The following CACNA2D3 variants were observed in gnomAD, a reference collection of about 807,000 sequenced individuals.
CACNA2D3 encodes calcium voltage-gated channel auxiliary subunit alpha2delta 3, also known as voltage-dependent calcium channel subunit alpha-2/delta-3.
CACNA2D3 carries 60 observed loss-of-function variants against 160.6 expected under a neutral mutation model. That is an observed-to-expected ratio of 0.37 (90% CI 0.30 to 0.46). CACNA2D3 has a LOEUF of 0.46. Among genes scored for constraint, CACNA2D3 ranks in the 20% least tolerant of loss-of-function variants. The pLI is 1.00. For missense variants in CACNA2D3, 1,205 were observed against 1,365.0 expected (o/e 0.88, Z 1.85); for synonymous variants, 558 against 492.9 (o/e 1.13, Z -1.75).
chr3:54,924,516 C>G, intron 27 of CACNA2D3: 1 of 953,178 alleles, frequency 1.0e-6, no homozygotes. Context: ...CCCAAATCCA[C>G]CCCTTACACA....
chr3:54,666,096 T>C (rs1215438560), intron 11 of CACNA2D3, among the ~76,000 whole-genome samples: 1 of 152,190 alleles, frequency 6.6e-6, no homozygotes, highest in Non-Finnish European at 1.5e-5. Context: ...CCTTTAGATA[T>C]ATTATCCAGT....
At chr3:54,516,398 T>C (rs1240845038) in intron 5 of CACNA2D3, among the ~76,000 whole-genome samples, 1 of 152,156 alleles carries the variant, frequency 6.6e-6, no homozygotes, top group Non-Finnish European at 1.5e-5. Flanking sequence ...TTCTGATGTT[T>C]TTCTTTTTTC....
At chr3:54,550,385 G>A (rs895804027) in intron 5 of CACNA2D3, among the ~76,000 whole-genome samples, 7 of 152,212 alleles carry the variant, frequency 4.6e-5, no homozygotes, top group South Asian at 2.1e-4. Flanking sequence ...AGCTGTGAGC[G>A]TGATGGAGTG....
intron 3 of CACNA2D3, among the ~76,000 whole-genome samples, chr3:54,354,829 T>C (rs1698621777): frequency 1.3e-5 from 2 of 152,146 alleles, no homozygotes; most frequent in Non-Finnish European, 2.9e-5. Flanking sequence ...TACAGCACAG[T>C]CTCTAAATGT....
At chr3:54,644,439 C>A (rs1455071886) in intron 11 of CACNA2D3, among the ~76,000 whole-genome samples, 1 of 152,160 alleles carries the variant, frequency 6.6e-6, no homozygotes, top group African/African-American at 2.4e-5. Flanking sequence ...TCTTTATGAA[C>A]TTCCATGTGA....
intron 34 of CACNA2D3, among the ~76,000 whole-genome samples, chr3:55,015,435 G>A (rs79402979): frequency 1.3e-5 from 2 of 152,182 alleles, no homozygotes; most frequent in African/African-American, 2.4e-5. Context: ...TTCATATTAA[G>A]CAGGACAGCA....
intron 11 of CACNA2D3, among the ~76,000 whole-genome samples, chr3:54,692,865 A>G (rs1023979499): frequency 2.0e-5 from 3 of 152,222 alleles, no homozygotes; most frequent in African/African-American, 4.8e-5. Context: ...GTGGTAATCT[A>G]TCATCCTCTG....
At chr3:54,215,473 G>A (rs540905449) in intron 2 of CACNA2D3, among the ~76,000 whole-genome samples, 14 of 152,162 alleles carry the variant, frequency 9.2e-5, no homozygotes, top group Non-Finnish European at 1.8e-4. Context: ...TTTTGACTGC[G>A]TATCAGTCCC....
At chr3:54,543,793 A>G (rs1315596997) in intron 5 of CACNA2D3, among the ~76,000 whole-genome samples, 1 of 152,188 alleles carries the variant, frequency 6.6e-6, no homozygotes, top group African/African-American at 2.4e-5. Context: ...AATTAAATAG[A>G]TTTTAGAATT....
intron 2 of CACNA2D3, chr3:54,177,760 A>T (rs1700703491): frequency 6.6e-6 from 1 of 151,868 alleles, no homozygotes; most frequent in Non-Finnish European, 1.5e-5. Context: ...TCTTAATTTC[A>T]CTGGTTTCTG....
intron 35 of CACNA2D3, among the ~76,000 whole-genome samples, chr3:55,031,429 G>A (rs76844480): frequency 0.037 from 5,637 of 152,290 alleles, 364 homozygotes; most frequent in African/African-American, 0.13. Context: ...TATTAAAGGA[G>A]CTCAAAGGAT....
chr3:54,499,591 C>G (rs1701255848), intron 4 of CACNA2D3, among the ~76,000 whole-genome samples: 1 of 151,980 alleles, frequency 6.6e-6, no homozygotes, highest in African/African-American at 2.4e-5. Flanking sequence ...CATCCCACAC[C>G]TTTTGATAGG....
At chr3:54,881,295 C>T (rs376483591) in intron 21 of CACNA2D3, among the ~76,000 whole-genome samples, 114 of 152,170 alleles carry the variant, frequency 7.5e-4, no homozygotes, top group African/African-American at 2.7e-3. Flanking sequence ...GATATGAGAG[C>T]CTTAGTCTCT....
intron 14 of CACNA2D3, 123 bp from the exon 15 acceptor site, chr3:54,837,036 G>A: frequency 1.3e-6 from 1 of 787,400 alleles, no homozygotes; most frequent in Non-Finnish European, 2.2e-6. Flanking sequence ...CTAAAGGCTT[G>A]AGTGGGCACT....
rs553705136 is a variant in CACNA2D3 at position 54,832,730 on chromosome 3, A to AT, written c.1399-4428dup. On this transcript the variant is annotated intron_variant, in intron 14 of 37. Transcript: ENST00000474759. ...ATTCCCAGCTAGTTCTTCCTCTGCC[A>AT]TGTTAGCTTTTCTTTCTCCCTTAGC... Among the ~76,000 whole-genome samples the AT allele has an allele frequency of 1.6e-4, 24 of 152,332 alleles. No homozygotes were observed. In the East Asian group the frequency reaches 4.4e-3, roughly 28 times the overall value.
chr3:54,608,237 T>C (rs959203984), intron 9 of CACNA2D3, among the ~76,000 whole-genome samples: 1 of 152,228 alleles, frequency 6.6e-6, no homozygotes, highest in African/African-American at 2.4e-5. Flanking sequence ...TTGAATATTA[T>C]ACTACAATAA....
intron 5 of CACNA2D3, among the ~76,000 whole-genome samples, chr3:54,520,240 T>A (rs369826359): frequency 6.6e-6 from 1 of 152,230 alleles, no homozygotes; most frequent in East Asian, 1.9e-4. Flanking sequence ...GGAAGCAAGA[T>A]GAGGCAACTC....
Position 54,809,539 on chromosome 3 carries a change from C to T in CACNA2D3, c.1381-7314C>T, listed in dbSNP as rs948938495. Among the ~76,000 whole-genome samples, 4 of 143,448 alleles carry T rather than the reference C, an allele frequency of 2.8e-5. 1 individual carries two copies. The highest frequency in any genetic ancestry group is 8.7e-5 in the African/African-American group (3 of 34,548). The allele number at this position is 143,448 out of a possible 152,430, so 94.1% of individuals were successfully genotyped here. A position where few individuals can be genotyped will look rare whatever the true frequency, so the allele number is the denominator to read the frequency against. On this transcript the variant is annotated intron_variant, in intron 13 of 37. Transcript: ENST00000474759. ...TTCACCTTGTTAGCCAGGATGGTCT[C>T]GATCTCCTGACCTCATGATCCACCC...
rs529961296 is a variant in CACNA2D3, at chr3:54,595,860, T to A, written c.963+13983T>A. 6.6e-5 allele frequency among the ~76,000 whole-genome samples: 10 copies of A among 152,228 alleles called. No individual in the cohort carries two copies. The South Asian group carries it at 2.1e-3, about 32-fold the overall frequency. ...ATACAGTTATACCTTATCATAAATG[T>A]TCACACCTCACATACCCAGAACTCA... On this transcript the variant is annotated intron_variant, in intron 9 of 37. Coordinates refer to ENST00000474759, the MANE Select transcript of CACNA2D3 (RefSeq NM_018398.3).
Sources: allele counts gnomAD v4.1 joint callset (sites outside exome capture counted in the v4.1 genomes callset), GRCh38; gene constraint gnomAD v4.1.1; transcripts MANE v1.5; gene names NCBI Gene and HGNC (gene_info 2026-07-23, HGNC 2026-07-21).